Variants in SHROOM2 observed in about 807,000 individuals in gnomAD.
The protein encoded by SHROOM2 is protein Shroom2.
SHROOM2 carries 33 observed loss-of-function variants against 75.9 expected under a neutral mutation model. The observed-to-expected ratio is 0.43, with a 90% CI of 0.33 to 0.58. The LOEUF (loss-of-function observed/expected upper bound fraction) is 0.58. SHROOM2 is among the 20% of genes least tolerant of loss of function. The probability of loss-of-function intolerance (pLI) is 0.04; values close to 1 mark genes in which losing one functional copy is unlikely to be tolerated. For missense variants in SHROOM2, 1,434 were observed against 1,461.2 expected, an observed-to-expected ratio of 0.98 and a Z score of 0.30; for synonymous variants, 655 against 663.6, an observed-to-expected ratio of 0.99 and a Z score of 0.20.
intron 1 of SHROOM2, among the ~76,000 whole-genome samples, chrX:9,830,584 C>CTTTCT (rs2083910313): frequency 3.0e-5 from 1 of 33,644 alleles, no homozygotes; most frequent in Non-Finnish European, 4.9e-5. Context: ...CCCCTGGTTT[C>CTTTCT]TTTTTTTTTT....
chrX:9,824,751 A>G (rs892760878), intron 1 of SHROOM2, among the ~76,000 whole-genome samples: 2 of 111,538 alleles, frequency 1.8e-5, no homozygotes, highest in African/African-American at 6.5e-5. Context: ...ACGACACACA[A>G]CCGGCACACA....
At position 9,895,535 on chromosome X, in the gene SHROOM2, G is replaced by A. The variant is rs760878621; in HGVS notation, c.1627G>A (p.Glu543Lys). 1.4e-5 allele frequency: 17 copies of A among 1,189,610 alleles called. No homozygotes were observed. In the African/African-American group the frequency reaches 1.8e-4, roughly 12 times the overall value. Residue 543 changes from glutamate to lysine, a missense_variant, in exon 4 of 10, where the codon GAG becomes AAG. Glu to Lys is a moderately conservative substitution (Grantham distance 56, BLOSUM62 1). Transcript: ENST00000380913. ...GTGTTACCCGCTGGACAAAGGGGCCGAGGGCTGCTCCGCGGGAGCCCAGGA... is the reference window on the plus strand; with the variant it reads ...GTGTTACCCGCTGGACAAAGGGGCCAAGGGCTGCTCCGCGGGAGCCCAGGA... ...GRCYPLDKGAEGCSAGAQEPP... is the reference protein window; with the variant it reads ...GRCYPLDKGAKGCSAGAQEPP...
At chrX:9,890,093 G>A (rs1384734494) in intron 2 of SHROOM2, among the ~76,000 whole-genome samples, 3 of 112,985 alleles carry the variant, frequency 2.7e-5, no homozygotes, top group Non-Finnish European at 5.6e-5. Flanking sequence ...CTGGCTGAGT[G>A]TGGTGGCTCA....
Position 9,786,526 on chromosome X carries a change from G to T in SHROOM2, c.-20G>T. ...CCCGGAGTGCATGGGCGCGGGCCAG[G>T]GACGCTGAGCGGTCGCGCCATGGAG... is the stretch of plus-strand genomic sequence containing the variant. On this transcript the variant is annotated 5_prime_UTR_variant, in exon 1 of 10. It introduces an in-frame stop codon into an upstream open reading frame of the 5' UTR. Transcript: ENST00000380913. The T allele has an allele frequency of 1.2e-6, 1 of 845,965 alleles. No homozygotes were observed. The highest frequency in any genetic ancestry group is 6.9e-5 in the East Asian group (1 of 14,466). 69.7% of individuals were successfully genotyped at this position (845,965 alleles called of 1,213,427 possible).
At chrX:9,808,367 G>T (rs1446244627) in intron 1 of SHROOM2, among the ~76,000 whole-genome samples, 1 of 94,068 alleles carries the variant, frequency 1.1e-5, no homozygotes, top group Non-Finnish European at 2.1e-5. Context: ...AATATAGTGA[G>T]ACTCTGTCTC....
At chrX:9,908,080 A>G (rs761220448) in intron 5 of SHROOM2, among the ~76,000 whole-genome samples, 56 of 112,766 alleles carry the variant, frequency 5.0e-4, no homozygotes, top group Non-Finnish European at 9.4e-4. Context: ...GTTCGCGATT[A>G]TCTTGCAACA....
chrX:9,919,823 A>G (rs1183820831), intron 5 of SHROOM2, among the ~76,000 whole-genome samples: 1 of 111,087 alleles, frequency 9.0e-6, no homozygotes, highest in African/African-American at 3.3e-5. Context: ...ACTCACTACA[A>G]CTCATCAGAC....
Position 9,903,459 on chromosome X carries a change from G to T in SHROOM2, c.2891+5169G>T, listed in dbSNP as rs753300828. Among the ~76,000 whole-genome samples, 15 of 112,727 alleles carry T rather than the reference G, an allele frequency of 1.3e-4. No homozygotes were observed. The South Asian group carries it at 5.5e-3, about 41-fold the overall frequency. On this transcript the variant is annotated intron_variant, in intron 5 of 9. Transcript: ENST00000380913. ...TCTTGTGCAGGGAGTACTTGCGGAT[G>T]TAACACCCTCACCCCAGAAGGGATA...
chrX:9,821,163 A>C (rs1402093734), intron 1 of SHROOM2, among the ~76,000 whole-genome samples: 7 of 112,135 alleles, frequency 6.2e-5, no homozygotes, highest in Admixed American at 1.9e-4. Context: ...TGCTGGCTCC[A>C]CACAGCAGAG....
At chrX:9,880,356 A>G (rs778998159) in intron 2 of SHROOM2, among the ~76,000 whole-genome samples, 3 of 113,002 alleles carry the variant, frequency 2.7e-5, no homozygotes, top group Non-Finnish European at 5.6e-5. Context: ...TCTGTCCCAC[A>G]TGGAGCACAC....
intron 1 of SHROOM2, among the ~76,000 whole-genome samples, chrX:9,863,121 G>T (rs776648119): frequency 1.8e-5 from 2 of 110,925 alleles, no homozygotes; most frequent in African/African-American, 6.6e-5. Flanking sequence ...TTCCGGTCCC[G>T]TCCAGTTGGC....
intron 5 of SHROOM2, among the ~76,000 whole-genome samples, chrX:9,899,024 G>A (rs988202690): frequency 3.6e-5 from 4 of 109,983 alleles, no homozygotes; most frequent in Admixed American, 9.8e-5. Flanking sequence ...CAGGTGAATC[G>A]CTTGAGCCCA....
intron 1 of SHROOM2, among the ~76,000 whole-genome samples, chrX:9,828,029 G>A (rs182573323): frequency 1.8e-5 from 2 of 112,501 alleles, no homozygotes; most frequent in Admixed American, 9.3e-5. Context: ...AATTACCTAA[G>A]ACTGGGTAAT....
chrX:9,894,921 C>T lies in SHROOM2; in HGVS notation c.1013C>T (p.Pro338Leu), dbSNP rs903860784. ...ATKSHEKAQG[P>L]VFSEAAAAQH... is the part of the protein sequence containing the mutation. ...AAGAGCCACGAGAAGGCCCAGGGCC[C>T]TGTGTTCTCAGAGGCGGCTGCGGCA... is the stretch of plus-strand genomic sequence containing the variant. The change falls in exon 4 of 10, where the codon CCT (proline) becomes CTT (leucine). Residue 338 changes from proline (P) to leucine (L), a missense_variant. Around this residue, in one of 3 missense-constraint regions of SHROOM2, gnomAD observed 1,340 missense variants for 1,338.3 expected, o/e 1.00. Coordinates refer to ENST00000380913, the MANE Select transcript of SHROOM2 (RefSeq NM_001649.4). The T allele has an allele frequency of 1.1e-5, 13 of 1,209,861 alleles. No homozygotes were observed. The highest frequency in any genetic ancestry group is 7.0e-5 in the African/African-American group (4 of 57,346).
At chrX:9,907,000 C>G in intron 5 of SHROOM2, among the ~76,000 whole-genome samples, 1 of 110,997 alleles carries the variant, frequency 9.0e-6, no homozygotes, top group Non-Finnish European at 1.9e-5. Context: ...GCTAAGAGGA[C>G]TCTGGCTAGA....
chrX:9,891,868 G>GGTGT (rs113988652), intron 3 of SHROOM2, among the ~76,000 whole-genome samples: 25 of 103,777 alleles, frequency 2.4e-4, no homozygotes, highest in Admixed American at 5.2e-4. Flanking sequence ...GAGCATGTTT[G>GGTGT]GTGTGTGTGT....
At position 9,947,000 on chromosome X, in the gene SHROOM2, T is replaced by C; in HGVS notation, c.*63T>C. 1.9e-6 allele frequency: 2 copies of C among 1,070,618 alleles called. No individual in the cohort carries two copies. The highest frequency in any genetic ancestry group is 2.5e-6 in the Non-Finnish European group (2 of 802,102). The allele number at this position is 1,070,618 out of a possible 1,213,427, so 88.2% of individuals were successfully genotyped here. ...CGAGCTCCAGCTCCGTTCCCAAGGATACTCGTGAAGACCCCATCTGTGTTC... is the reference window on the plus strand; with the variant it reads ...CGAGCTCCAGCTCCGTTCCCAAGGACACTCGTGAAGACCCCATCTGTGTTC... On this transcript the variant is annotated 3_prime_UTR_variant, in exon 10 of 10. Transcript: ENST00000380913.
chrX:9,936,416 C>CT (rs1461674655), intron 6 of SHROOM2, among the ~76,000 whole-genome samples: 7 of 111,208 alleles, frequency 6.3e-5, no homozygotes, highest in Non-Finnish European at 1.3e-4. Context: ...CTGGCTGACA[C>CT]TTTTTTAAAA....
intron 1 of SHROOM2, among the ~76,000 whole-genome samples, chrX:9,827,459 A>G (rs767665268): frequency 1.8e-5 from 2 of 108,709 alleles, no homozygotes; most frequent in Admixed American, 9.9e-5. Flanking sequence ...GTGAACATTG[A>G]GTCCCCCCGG....
Sources: allele counts gnomAD v4.1 joint callset (sites outside exome capture counted in the v4.1 genomes callset), GRCh38; gene constraint gnomAD v4.1.1; regional missense constraint gnomAD v4.1.1; transcripts MANE v1.5; gene names NCBI Gene and HGNC (gene_info 2026-07-23, HGNC 2026-07-21).